SLC41A2: variants seen among roughly 807,000 people sequenced by gnomAD.
SLC41A2 encodes the protein SLC41A1-like 1.
A neutral mutation model predicts 58.3 loss-of-function variants in SLC41A2; 32 were observed. The ratio of observed to expected loss-of-function variants is 0.55; its 90% CI spans 0.41 to 0.74. The LOEUF is 0.74. Ranked by LOEUF, SLC41A2 falls within the 30% of genes least tolerant of loss-of-function variation. The pLI is 0.00. For synonymous variants in SLC41A2, 190 were observed against 235.0 expected (o/e 0.81, Z 1.75); for missense variants, 514 against 680.6 (o/e 0.76, Z 2.72).
chr12:104,820,324 A>G (rs2041576771), intron 10 of SLC41A2, among the ~76,000 whole-genome samples: 1 of 152,210 alleles, frequency 6.6e-6, no homozygotes, highest in Admixed American at 6.5e-5. Flanking sequence ...AAAGCCAGGC[A>G]TGGCGGTGCA....
chr12:104,841,756 C>A (rs986114875), intron 10 of SLC41A2, among the ~76,000 whole-genome samples: 6 of 152,138 alleles, frequency 3.9e-5, no homozygotes, highest in Admixed American at 3.9e-4. Flanking sequence ...AGATTTCCTT[C>A]ATTTAGTGGG....
rs1003711936 is a variant in SLC41A2, at chr12:104,803,407, G to A, written c.*1745C>T. 2.4e-4 allele frequency: 37 copies of A among 152,094 alleles called. No individual in the cohort carries two copies. Among genetic ancestry groups the A allele is most frequent in the African/African-American group, 8.9e-4 (37 of 41,500 alleles). The allele number at this position is 152,094 out of a possible 1,614,324, so 9.4% of individuals were successfully genotyped here. On this transcript the variant is annotated 3_prime_UTR_variant, in exon 11 of 11. Transcript: ENST00000258538. ...TCTGCCTTAAAAGTTTTATTATAAG[G>A]CAGAAGAATGGAATAATTGAAGTTT...
intron 1 of SLC41A2, among the ~76,000 whole-genome samples, chr12:104,935,096 TAGAGGG>T (rs2047209115): frequency 6.6e-6 from 1 of 152,138 alleles, no homozygotes; most frequent in Non-Finnish European, 1.5e-5. Context: ...TAGCTGGGAT[TAGAGGG>T]GCATGCCACC....
At chr12:104,815,109 T>A (rs777749116) in intron 10 of SLC41A2, among the ~76,000 whole-genome samples, 21 of 152,240 alleles carry the variant, frequency 1.4e-4, no homozygotes, top group Non-Finnish European at 2.8e-4. Flanking sequence ...ATGACATAGT[T>A]CAAGCGGGTT....
Position 104,866,548 on chromosome 12 carries a change from A to G in SLC41A2, c.1059T>C (p.Gly353=), listed in dbSNP as rs1269798501. ...ETYYYISPLV[G]VFFLALTPIW... is the part of the protein sequence containing the mutation. The stretch of plus-strand genomic sequence containing the variant: ...TAGGGGTTAGAGCCAAGAAAAATAC[A>G]CCAACTAATGGAGAAATGTAGTAAT... The change falls in exon 7 of 11, where the codon GGT becomes GGC. Residue 353 remains glycine, a synonymous_variant. Transcript: ENST00000258538. 1 of 1,610,168 alleles carries G rather than the reference A, an allele frequency of 6.2e-7. No individual in the cohort carries two copies. Among genetic ancestry groups the G allele is most frequent in the African/African-American group, 1.3e-5 (1 of 74,466 alleles).
chr12:104,915,926 T>C (rs930067081), intron 2 of SLC41A2, among the ~76,000 whole-genome samples: 10 of 152,340 alleles, frequency 6.6e-5, no homozygotes, highest in Middle Eastern at 3.4e-3. Context: ...TAGCTCTTAT[T>C]ATTTTGAGAT....
intron 10 of SLC41A2, among the ~76,000 whole-genome samples, chr12:104,837,066 C>T (rs1238682082): frequency 6.6e-6 from 1 of 152,100 alleles, no homozygotes; most frequent in East Asian, 1.9e-4. Flanking sequence ...TTTATGCTTG[C>T]CACCTTAATT....
intron 7 of SLC41A2, 70 bp from the exon 8 acceptor site, chr12:104,861,440 C>A: frequency 1.2e-6 from 1 of 840,100 alleles, no homozygotes; most frequent in East Asian, 2.7e-5. Flanking sequence ...TCTGTACATA[C>A]AGACACCCCT....
In SLC41A2 at chr12:104,928,267, G is replaced by T; in HGVS notation, c.261C>A (p.His87Gln). The T allele has an allele frequency of 6.2e-7, 1 of 1,613,864 alleles. No individual in the cohort carries two copies. Reference protein sequence around the residue: ...SNRSEQHMEYHSFSEQSFHAN... With the variant: ...SNRSEQHMEYQSFSEQSFHAN... Reference sequence around the variant, plus strand: ...CATGAAAAGACTGCTCTGAGAAACTGTGATACTCCATGTGTTGCTCAGATC... The same window carrying T: ...CATGAAAAGACTGCTCTGAGAAACTTTGATACTCCATGTGTTGCTCAGATC... Residue 87 changes from histidine (H) to glutamine (Q), a missense_variant, in exon 2 of 11, where the codon CAC (histidine) becomes CAA (glutamine). His to Gln is a conservative substitution (Grantham distance 24). This residue lies in a region of SLC41A2 where 336 missense variants were observed against 430.0 expected (regional missense o/e 0.78). Coordinates refer to ENST00000258538, the MANE Select transcript of SLC41A2 (RefSeq NM_001352171.3).
chr12:104,859,709 T>C (rs77253833), intron 8 of SLC41A2, among the ~76,000 whole-genome samples: 2,805 of 152,258 alleles, frequency 0.018, 105 homozygotes, highest in African/African-American at 0.063. Flanking sequence ...CCTTTATATG[T>C]CATATATATT....
chr12:104,916,574 T>C (rs936126076), intron 2 of SLC41A2, among the ~76,000 whole-genome samples: 2 of 152,064 alleles, frequency 1.3e-5, no homozygotes, highest in African/African-American at 4.8e-5. Flanking sequence ...CTTCAAACTA[T>C]ACTACAAGGC....
chr12:104,897,980 C>T (rs1243983138), intron 3 of SLC41A2, among the ~76,000 whole-genome samples: 1 of 151,942 alleles, frequency 6.6e-6, no homozygotes, highest in Non-Finnish European at 1.5e-5. Flanking sequence ...GCTAGACCTA[C>T]TTTTATTAGA....
At chr12:104,884,534 C>G (rs529029265) in intron 6 of SLC41A2, among the ~76,000 whole-genome samples, 1 of 152,286 alleles carries the variant, frequency 6.6e-6, no homozygotes, top group South Asian at 2.1e-4. Context: ...TACCAGCCCT[C>G]CATCCCTACC....
At chr12:104,932,529 G>A (rs2047091670) in intron 1 of SLC41A2, among the ~76,000 whole-genome samples, 4 of 151,272 alleles carry the variant, frequency 2.6e-5, no homozygotes, top group African/African-American at 7.3e-5. Flanking sequence ...GGAGGCTGAG[G>A]TGGGAGAAGC....
chr12:104,940,023 T>A (rs141987968), intron 1 of SLC41A2, among the ~76,000 whole-genome samples: 3,066 of 152,210 alleles, frequency 0.02, 38 homozygotes, highest in African/African-American at 0.04. Flanking sequence ...TATTATTATT[T>A]TTTTTTTGAG....
chr12:104,817,893 G>A (rs886351182), intron 10 of SLC41A2, among the ~76,000 whole-genome samples: 12 of 151,834 alleles, frequency 7.9e-5, no homozygotes, highest in African/African-American at 2.7e-4. Flanking sequence ...ATCATAGGAT[G>A]CAATCATATA....
intron 8 of SLC41A2, among the ~76,000 whole-genome samples, chr12:104,854,840 G>A (rs1304410008): frequency 2.0e-5 from 3 of 152,152 alleles, no homozygotes; most frequent in Non-Finnish European, 4.4e-5. Context: ...GAGGCTGTCA[G>A]TTGTAAGACC....
chr12:104,925,128 T>C, intron 2 of SLC41A2, among the ~76,000 whole-genome samples: 1 of 152,178 alleles, frequency 6.6e-6, no homozygotes, highest in East Asian at 1.9e-4. Context: ...AAAATTATAT[T>C]TCTTGAGCTG....
intron 10 of SLC41A2, among the ~76,000 whole-genome samples, chr12:104,814,857 T>C (rs1234526524): frequency 3.9e-5 from 6 of 152,324 alleles, no homozygotes; most frequent in African/African-American, 1.4e-4. Context: ...CACTAACCAG[T>C]TATATTTGTC....
Sources: gnomAD v4.1 joint callset for allele counts (sites outside exome capture counted in the v4.1 genomes callset) on GRCh38, gnomAD v4.1.1 for gene constraint, gnomAD v4.1.1 regional missense constraint, MANE v1.5 for transcripts, NCBI Gene and HGNC (gene_info 2026-07-23, HGNC 2026-07-21) for gene names.